Variants in SMURF1 observed in about 807,000 individuals in gnomAD.
SMURF1 encodes E3 ubiquitin-protein ligase SMURF1.
A neutral mutation model predicts 98.0 loss-of-function variants in SMURF1; 44 were observed. The observed-to-expected ratio is 0.45, with a 90% confidence interval of 0.35 to 0.58. SMURF1 has a LOEUF of 0.58. Among genes scored for constraint, SMURF1 ranks in the 20% least tolerant of loss-of-function variants. SMURF1 has a pLI of 0.00. For missense variants in SMURF1, 687 were observed against 938.4 expected (o/e 0.73, Z 3.50); for synonymous variants, 396 against 374.9 (o/e 1.06, Z -0.65).
chr7:99,091,319 A>G (rs1796805898), intron 1 of SMURF1, among the ~76,000 whole-genome samples: 1 of 152,224 alleles, frequency 6.6e-6, no homozygotes, highest in Non-Finnish European at 1.5e-5. Flanking sequence ...TGAAACTTGA[A>G]CCAGATGTAA....
At position 99,138,107 on chromosome 7, in the gene SMURF1, C is replaced by CA. The variant is rs10711307; in HGVS notation, c.55+5618dup. On this transcript the variant is annotated intron_variant, in intron 1 of 17. Transcript: ENST00000361368. The stretch of plus-strand genomic sequence containing the variant: ...CAGTAATTTAAAACTTGTTCAGTGA[C>CA]AAAAAAAAAAAATTGTATATTCCTT... Among the ~76,000 whole-genome samples, 836 of 149,752 alleles carry CA rather than the reference C, an allele frequency of 5.6e-3. 8 individuals carry two copies. Among genetic ancestry groups the CA allele is most frequent in the African/African-American group, 0.019 (761 of 40,910 alleles).
At chr7:99,050,981 G>T in intron 8 of SMURF1, 1 of 1,551,396 alleles carries the variant, frequency 6.4e-7, no homozygotes, top group Non-Finnish European at 8.7e-7. Context: ...CCCAGGAATG[G>T]TCCCCGAGGG....
At chr7:99,064,535 C>T (rs570600156) in intron 1 of SMURF1, among the ~76,000 whole-genome samples, 24 of 152,276 alleles carry the variant, frequency 1.6e-4, no homozygotes, top group African/African-American at 5.8e-4. Flanking sequence ...TTGTTGATCT[C>T]CTCACTTTTC....
intron 8 of SMURF1, chr7:99,050,049 A>G (rs1294752832): frequency 5.7e-6 from 1 of 176,148 alleles, no homozygotes; most frequent in Non-Finnish European, 1.2e-5. Context: ...TCTACTAATA[A>G]TACAAAAATT....
intron 1 of SMURF1, among the ~76,000 whole-genome samples, chr7:99,070,553 CT>C (rs1318455555): frequency 6.6e-6 from 1 of 152,182 alleles, no homozygotes; most frequent in African/African-American, 2.4e-5. Flanking sequence ...AGTACTGTGT[CT>C]TTTATTCTTA....
chr7:99,069,491 T>C (rs975778476), intron 1 of SMURF1, among the ~76,000 whole-genome samples: 1 of 152,158 alleles, frequency 6.6e-6, no homozygotes, highest in African/African-American at 2.4e-5. Flanking sequence ...CCTGAGTACC[T>C]GGGACTACAG....
At chr7:99,041,678 A>C (rs760074534) in intron 12 of SMURF1, among the ~76,000 whole-genome samples, 5 of 152,190 alleles carry the variant, frequency 3.3e-5, no homozygotes, top group Non-Finnish European at 7.3e-5. Flanking sequence ...GCGTGCAAAC[A>C]CTGCACTGAC....
chr7:99,063,249 A>T (rs1183674475), intron 1 of SMURF1, among the ~76,000 whole-genome samples: 402 of 3,074 alleles, frequency 0.13, 39 homozygotes, highest in African/African-American at 0.21. Flanking sequence ...ATTTATATAT[A>T]TATATATATA....
intron 1 of SMURF1, among the ~76,000 whole-genome samples, chr7:99,141,742 TA>T (rs1365277164): frequency 6.6e-6 from 1 of 152,160 alleles, no homozygotes; most frequent in Non-Finnish European, 1.5e-5. Context: ...AATTTTAGTT[TA>T]AAAAAATTAC....
chr7:99,080,848 T>A (rs1211070171), intron 1 of SMURF1, among the ~76,000 whole-genome samples: 2 of 152,142 alleles, frequency 1.3e-5, no homozygotes, highest in Non-Finnish European at 2.9e-5. Context: ...AGTCTGCACT[T>A]CCCAGCTCCC....
rs56017007 is a variant in SMURF1 at position 99,125,057 on chromosome 7, T to TTTCATTCA, written c.55+18661_55+18668dup. Reference sequence around the variant, plus strand: ...AGCATAGTAGTTATTCAATAAAAATTTTCATTCATTCATTCATTCATTCAT... The same window carrying TTTCATTCA: ...AGCATAGTAGTTATTCAATAAAAATTTTCATTCATTCATTCATTCATTCATTCATTCAT... On this transcript the variant is annotated intron_variant, in intron 1 of 17. Transcript: ENST00000361368. 6.0e-3 allele frequency among the ~76,000 whole-genome samples: 897 copies of TTTCATTCA among 149,780 alleles called. 12 individuals are homozygous for TTTCATTCA. Among genetic ancestry groups the TTTCATTCA allele is most frequent in the African/African-American group, 0.021 (843 of 40,702 alleles).
chr7:99,071,449 G>C (rs1796319343), intron 1 of SMURF1, among the ~76,000 whole-genome samples: 1 of 152,118 alleles, frequency 6.6e-6, no homozygotes, highest in South Asian at 2.1e-4. Flanking sequence ...TCAAGGATTT[G>C]TTACACCATC....
chr7:99,088,929 G>T (rs550127269), intron 1 of SMURF1, among the ~76,000 whole-genome samples: 37 of 152,200 alleles, frequency 2.4e-4, no homozygotes, highest in Middle Eastern at 3.4e-3. Flanking sequence ...AAAAAGGCTG[G>T]GTGCGCTGGC....
At chr7:99,107,848 A>T (rs1797226577) in intron 1 of SMURF1, among the ~76,000 whole-genome samples, 1 of 152,148 alleles carries the variant, frequency 6.6e-6, no homozygotes, top group Non-Finnish European at 1.5e-5. Context: ...CAGCATATGG[A>T]GACATCTTAT....
At chr7:99,071,148 C>T (rs1264174440) in intron 1 of SMURF1, among the ~76,000 whole-genome samples, 1 of 151,814 alleles carries the variant, frequency 6.6e-6, no homozygotes, top group Non-Finnish European at 1.5e-5. Flanking sequence ...CAAACTCCAC[C>T]TCCCAGGTTC....
intron 1 of SMURF1, among the ~76,000 whole-genome samples, chr7:99,080,442 AG>A (rs1327636510): frequency 6.6e-6 from 1 of 152,082 alleles, no homozygotes; most frequent in Non-Finnish European, 1.5e-5. Context: ...TGGGATTACA[AG>A]CATGCACCAC....
Position 99,036,905 on chromosome 7 carries a change from T to TA in SMURF1, c.1809+161dup, listed in dbSNP as rs1446286066. ...GTTACTAACTGGCATGAACACCCTC[T>TA]ACTCCCCACTCTTGCTCCAGCCCTG... is the stretch of plus-strand genomic sequence containing the variant. On this transcript the variant is annotated intron_variant, in intron 15 of 17. Transcript: ENST00000361368. Among the ~76,000 whole-genome samples the TA allele has an allele frequency of 2.0e-5, 3 of 152,124 alleles. No homozygotes were observed. The South Asian group carries it at 6.2e-4, about 32-fold the overall frequency.
chr7:99,139,086 A>G (rs1016680002), intron 1 of SMURF1, among the ~76,000 whole-genome samples: 2 of 152,226 alleles, frequency 1.3e-5, no homozygotes. Flanking sequence ...TAGCTGGTAC[A>G]AATTGACAAA....
At chr7:99,067,121 G>A (rs1313062955) in intron 1 of SMURF1, among the ~76,000 whole-genome samples, 1 of 151,004 alleles carries the variant, frequency 6.6e-6, no homozygotes, top group Non-Finnish European at 1.5e-5. Flanking sequence ...TCAGCTTCCT[G>A]AGTAGCTGGG....
Sources: gnomAD v4.1 joint callset for allele counts (sites outside exome capture counted in the v4.1 genomes callset) on GRCh38, gnomAD v4.1.1 for gene constraint, MANE v1.5 for transcripts, NCBI Gene and HGNC (gene_info 2026-07-23, HGNC 2026-07-21) for gene names.